SPAG17: variants seen among roughly 807,000 people sequenced by gnomAD.
The protein encoded by SPAG17 is sperm-associated antigen 17.
In SPAG17, 169 loss-of-function variants were observed where a neutral mutation model predicts 273.6. The observed-to-expected ratio is 0.62, with a 90% CI of 0.55 to 0.70. The LOEUF is 0.70. Among genes scored for constraint, SPAG17 ranks in the 30% least tolerant of loss-of-function variants. SPAG17 has a pLI of 0.00. For synonymous variants in SPAG17, 825 were observed against 873.2 expected (o/e 0.94, Z 0.97); for missense variants, 2,557 against 2,627.8 (o/e 0.97, Z 0.59).
chr1:118,166,057 C>T (rs1023869094), intron 1 of SPAG17, among the ~76,000 whole-genome samples: 2 of 152,174 alleles, frequency 1.3e-5, no homozygotes, highest in Admixed American at 1.3e-4. Flanking sequence ...TATATACATA[C>T]ATGAAGTCAT....
intron 4 of SPAG17, among the ~76,000 whole-genome samples, chr1:118,111,900 C>T (rs1451856556): frequency 2.0e-5 from 3 of 152,044 alleles, no homozygotes; most frequent in Non-Finnish European, 4.4e-5. Context: ...AAAGAAAGAA[C>T]TAATTTTTTA....
At chr1:118,120,364 C>T (rs1657352493) in intron 3 of SPAG17, among the ~76,000 whole-genome samples, 2 of 151,834 alleles carry the variant, frequency 1.3e-5, no homozygotes, top group Admixed American at 1.3e-4. Context: ...TGGCTAGTGG[C>T]TACTGTTTTG....
rs917394599 is a variant in SPAG17 at position 118,051,970 on chromosome 1, ATAC to A, written c.2814+2029_2814+2031del. Among the ~76,000 whole-genome samples, 46 of 137,932 alleles carry A rather than the reference ATAC, an allele frequency of 3.3e-4. 1 individual carries two copies. Among genetic ancestry groups the A allele is most frequent in the African/African-American group, 1.2e-3 (44 of 37,852 alleles). The allele number at this position is 137,932 out of a possible 152,430, so 90.5% of individuals were successfully genotyped here. A position where few individuals can be genotyped will look rare whatever the true frequency, so the allele number is the denominator to read the frequency against. On this transcript the variant is annotated intron_variant, in intron 20 of 48. Transcript: ENST00000336338. Reference sequence around the variant, plus strand: ...TGTATACATATATTACATTATGTACATACTACATTATGTATTATGTATGTATAT... The same window carrying A: ...TGTATACATATATTACATTATGTACATACATTATGTATTATGTATGTATAT...
intron 18 of SPAG17, among the ~76,000 whole-genome samples, chr1:118,063,494 C>T (rs999852314): frequency 9.2e-5 from 14 of 152,176 alleles, no homozygotes; most frequent in African/African-American, 3.1e-4. Context: ...AAAAGATTCC[C>T]TATTTAATAA....
intron 3 of SPAG17, among the ~76,000 whole-genome samples, chr1:118,119,062 C>T (rs1657264216): frequency 6.6e-6 from 1 of 152,156 alleles, no homozygotes; most frequent in South Asian, 2.1e-4. Context: ...AAGCCCAATG[C>T]TTAGAATTGC....
chr1:118,174,798 G>A (rs2102400547), intron 1 of SPAG17, among the ~76,000 whole-genome samples: 1 of 152,266 alleles, frequency 6.6e-6, no homozygotes, highest in Middle Eastern at 3.4e-3. Flanking sequence ...AGGCCAGAAG[G>A]CACTGGGATG....
At chr1:117,995,626 G>A (rs1326323443) in intron 34 of SPAG17, among the ~76,000 whole-genome samples, 1 of 150,878 alleles carries the variant, frequency 6.6e-6, no homozygotes, top group African/African-American at 2.4e-5. Context: ...AGTTATAAGG[G>A]CACAGAAATG....
intron 40 of SPAG17, among the ~76,000 whole-genome samples, chr1:117,985,430 T>C (rs1033127632): frequency 1.3e-5 from 2 of 152,192 alleles, no homozygotes; most frequent in African/African-American, 4.8e-5. Context: ...CTTTCCCTAC[T>C]TCCTGAAATA....
At chr1:118,101,715 C>A (rs888062687) in intron 5 of SPAG17, 25 bp downstream of exon 5, 44 of 1,598,650 alleles carry the variant, frequency 2.8e-5, no homozygotes, top group Non-Finnish European at 3.7e-5. Flanking sequence ...GTGAAAGGCA[C>A]CGCCGGCAGC....
At chr1:118,045,301 C>T (rs978658459) in intron 20 of SPAG17, among the ~76,000 whole-genome samples, 1 of 152,160 alleles carries the variant, frequency 6.6e-6, no homozygotes, top group Non-Finnish European at 1.5e-5. Context: ...GACTTTCAGC[C>T]TCATCCCCAA....
chr1:118,124,853 T>C (rs781199676), intron 3 of SPAG17, among the ~76,000 whole-genome samples: 18 of 152,188 alleles, frequency 1.2e-4, no homozygotes, highest in Non-Finnish European at 2.2e-4. Context: ...GTCAACATAT[T>C]GTGTGGCCTC....
chr1:118,139,565 G>A (rs2102318202), intron 3 of SPAG17, among the ~76,000 whole-genome samples: 1 of 152,204 alleles, frequency 6.6e-6, no homozygotes, highest in South Asian at 2.1e-4. Context: ...ATCAATCTAA[G>A]CGTTCATCAA....
In SPAG17 at chr1:117,996,836, G is replaced by A. The variant is rs1012009699; in HGVS notation, c.4777-93C>T. The A allele has an allele frequency of 1.7e-5, 23 of 1,317,762 alleles. 1 individual carries two copies. The South Asian group carries it at 2.8e-4, about 16-fold the overall frequency. 81.6% of individuals were successfully genotyped at this position (1,317,762 alleles called of 1,614,324 possible). On this transcript the variant is annotated intron_variant, in intron 32 of 48. Coordinates refer to ENST00000336338, the MANE Select transcript of SPAG17 (RefSeq NM_206996.4). ...AATTTGAGAAAACAGATGATTTGGT[G>A]GGTTTACTCACAAAATTGGAGATGT...
intron 28 of SPAG17, among the ~76,000 whole-genome samples, chr1:118,017,622 G>C (rs1311489915): frequency 6.6e-6 from 1 of 152,124 alleles, no homozygotes; most frequent in Non-Finnish European, 1.5e-5. Context: ...TTGGCAGGAA[G>C]ATGCAAAATC....
intron 3 of SPAG17, among the ~76,000 whole-genome samples, chr1:118,126,952 C>T (rs990197020): frequency 1.3e-5 from 2 of 152,208 alleles, no homozygotes; most frequent in African/African-American, 4.8e-5. Flanking sequence ...TTTCCTTTCC[C>T]TATTGTATGT....
intron 30 of SPAG17, 119 bp from the exon 31 acceptor site, chr1:118,008,317 A>G (rs1659123274): frequency 1.7e-6 from 2 of 1,164,396 alleles, no homozygotes; most frequent in East Asian, 2.6e-5. Flanking sequence ...AAAAAACACA[A>G]TTGTAAAGTC....
At chr1:118,024,982 C>A (rs1647564275) in intron 27 of SPAG17, among the ~76,000 whole-genome samples, 1 of 152,076 alleles carries the variant, frequency 6.6e-6, no homozygotes, top group Admixed American at 6.6e-5. Flanking sequence ...TTTAAGATAG[C>A]TTGAGAGGGA....
chr1:118,140,714 C>T (rs955156447), intron 3 of SPAG17, among the ~76,000 whole-genome samples: 2 of 152,190 alleles, frequency 1.3e-5, no homozygotes, highest in Non-Finnish European at 2.9e-5. Context: ...TAACTGGTCT[C>T]ATTTCCATGT....
At chr1:118,165,725 A>C (rs1336324724) in intron 1 of SPAG17, among the ~76,000 whole-genome samples, 1 of 142,596 alleles carries the variant, frequency 7.0e-6, no homozygotes, top group African/African-American at 2.6e-5. Flanking sequence ...GGCTCACTGC[A>C]AGCTCCGCCT....
Sources: allele counts gnomAD v4.1 joint callset (sites outside exome capture counted in the v4.1 genomes callset), GRCh38; gene constraint gnomAD v4.1.1; transcripts MANE v1.5; gene names NCBI Gene and HGNC (gene_info 2026-07-23, HGNC 2026-07-21).